The following RBM27 variants were observed in gnomAD, a reference collection of about 807,000 sequenced individuals.
RBM27 encodes RNA-binding protein 27.
Under a neutral mutation model 135.3 loss-of-function variants are expected in RBM27, and 22 were observed. The ratio of observed to expected loss-of-function variants is 0.16; its 90% CI spans 0.12 to 0.23. The LOEUF (loss-of-function observed/expected upper bound fraction) is 0.23. RBM27 is among the 10% of genes least tolerant of loss of function. The pLI is 1.00. For synonymous variants in RBM27, 481 were observed against 442.4 expected (o/e 1.09, Z -1.10); for missense variants, 1,009 against 1,281.0 (o/e 0.79, Z 3.24).
At chr5:146,234,014 AT>A (rs1430707680) in intron 7 of RBM27, among the ~76,000 whole-genome samples, 1 of 152,040 alleles carries the variant, frequency 6.6e-6, no homozygotes, top group Non-Finnish European at 1.5e-5. Flanking sequence ...GAAAGCCAGT[AT>A]TTATTTATTT....
At chr5:146,283,691 G>A (rs1759461707) in intron 19 of RBM27, among the ~76,000 whole-genome samples, 1 of 152,166 alleles carries the variant, frequency 6.6e-6, no homozygotes, top group South Asian at 2.1e-4. Context: ...AACACAGGAC[G>A]ATGTCTGTGC....
rs148924489 is a variant in RBM27, at chr5:146,243,338, A to G, written c.1279+5906A>G. Among the ~76,000 whole-genome samples the G allele has an allele frequency of 3.1e-3, 473 of 152,344 alleles. 4 individuals carry two copies. The highest frequency in any genetic ancestry group is 0.011 in the African/African-American group (457 of 41,578). ...TTTTGTCTTTGAGACAGATAATTGA[A>G]TCCTTCACATTGTTCAAGTTTATTT... is the stretch of plus-strand genomic sequence containing the variant. On this transcript the variant is annotated intron_variant, in intron 8 of 20. Coordinates refer to ENST00000265271, the MANE Select transcript of RBM27 (RefSeq NM_018989.2).
chr5:146,278,439 A>G (rs966257731), intron 19 of RBM27, among the ~76,000 whole-genome samples: 2 of 152,088 alleles, frequency 1.3e-5, no homozygotes, highest in South Asian at 2.1e-4. Flanking sequence ...CAGTCACTCA[A>G]TTTCACTCCC....
chr5:146,206,302 T>TG (rs201708217), intron 1 of RBM27, among the ~76,000 whole-genome samples: 63 of 148,698 alleles, frequency 4.2e-4, no homozygotes, highest in African/African-American at 7.0e-4. Context: ...TTTCGTTTTT[T>TG]GTTTTTTTTT....
chr5:146,270,893 T>G lies in RBM27; in HGVS notation c.2692-61T>G, dbSNP rs59545810. On this transcript the variant is annotated intron_variant, in intron 17 of 20. Coordinates refer to ENST00000265271, the MANE Select transcript of RBM27 (RefSeq NM_018989.2). ...TGTGTGTCATTGTGTAACTATCATGTTCTGGAGGAGATCTTGTAAGTTATC... is the reference window on the plus strand; with the variant it reads ...TGTGTGTCATTGTGTAACTATCATGGTCTGGAGGAGATCTTGTAAGTTATC... 6.8e-3 allele frequency: 7,023 copies of G among 1,036,710 alleles called. 334 individuals carry two copies. In the African/African-American group the frequency reaches 0.098, roughly 14 times the overall value. 64.2% of individuals were successfully genotyped at this position (1,036,710 alleles called of 1,614,324 possible).
At chr5:146,222,638 C>T (rs1359549523) in intron 2 of RBM27, among the ~76,000 whole-genome samples, 11 of 152,118 alleles carry the variant, frequency 7.2e-5, no homozygotes, top group Admixed American at 1.3e-4. Flanking sequence ...GAGCTGAGAT[C>T]GCACCACTGC....
intron 19 of RBM27, 30 bp downstream of exon 19, chr5:146,271,704 G>A: frequency 6.4e-7 from 1 of 1,556,118 alleles, no homozygotes; most frequent in Non-Finnish European, 8.8e-7. Context: ...AATGCTAACT[G>A]TAAAAACACT....
rs63507060 is a variant in RBM27, at chr5:146,248,251, T to A, written c.1280-3460T>A. Among the ~76,000 whole-genome samples, 11 of 150,540 alleles carry A rather than the reference T, an allele frequency of 7.3e-5. No homozygotes were observed. The South Asian group carries it at 1.5e-3, about 20-fold the overall frequency. ...TTCTGCTAGTTTTTTTTTTTTTTTT[T>A]AATTTTTGACATGCCAGTTTTTGAT... is the stretch of plus-strand genomic sequence containing the variant. On this transcript the variant is annotated intron_variant, in intron 8 of 20. Transcript: ENST00000265271.
intron 3 of RBM27, among the ~76,000 whole-genome samples, chr5:146,228,065 A>C (rs772917291): frequency 6.6e-6 from 1 of 152,160 alleles, no homozygotes; most frequent in Non-Finnish European, 1.5e-5. Context: ...AATTGTTTAT[A>C]CTTTTCCTAC....
At position 146,271,556 on chromosome 5, in the gene RBM27, G is replaced by A. The variant is rs1758865127; in HGVS notation, c.2870G>A (p.Gly957Glu). 1.9e-6 allele frequency: 3 copies of A among 1,613,728 alleles called. No homozygotes were observed. The highest frequency in any genetic ancestry group is 2.5e-6 in the Non-Finnish European group (3 of 1,179,698). ...MSSQGRGRGR[G>E]RGGRGRGSLN... is the part of the protein sequence containing the mutation. Reference sequence around the variant, plus strand: ...TCTCAAGGTCGAGGAAGAGGCCGAGGGCGTGGAGGAAGAGGAAGGGGCTCA... The same window carrying A: ...TCTCAAGGTCGAGGAAGAGGCCGAGAGCGTGGAGGAAGAGGAAGGGGCTCA... Residue 957 changes from glycine to glutamate, a missense_variant, in exon 19 of 21, where the codon GGG (glycine) becomes GAG (glutamate). Gly to Glu is a moderately conservative substitution (Grantham distance 98). Coordinates refer to ENST00000265271, the MANE Select transcript of RBM27 (RefSeq NM_018989.2).
chr5:146,223,313 T>C (rs568292223), intron 2 of RBM27, 90 bp from the exon 3 acceptor site: 1 of 1,222,422 alleles, frequency 8.2e-7, no homozygotes, highest in Admixed American at 2.5e-5. Flanking sequence ...GTGTACAAGA[T>C]GTCCTGTTTT....
At chr5:146,253,564 A>G (rs1321847958) in intron 9 of RBM27, among the ~76,000 whole-genome samples, 1 of 151,998 alleles carries the variant, frequency 6.6e-6, no homozygotes, top group Admixed American at 6.6e-5. Flanking sequence ...ACCTGAAAAA[A>G]GGGGAAAAAT....
intron 1 of RBM27, among the ~76,000 whole-genome samples, chr5:146,212,300 C>G (rs529041862): frequency 6.6e-6 from 1 of 151,834 alleles, no homozygotes; most frequent in Non-Finnish European, 1.5e-5. Context: ...GTGATCCACC[C>G]GCCTTGGCCT....
chr5:146,276,880 C>T (rs1409728373), intron 19 of RBM27, among the ~76,000 whole-genome samples: 3 of 152,076 alleles, frequency 2.0e-5, no homozygotes, highest in African/African-American at 7.2e-5. Context: ...CATAGTGAGA[C>T]CCTATCTTTA....
chr5:146,208,742 A>G (rs756337080), intron 1 of RBM27, among the ~76,000 whole-genome samples: 2 of 152,248 alleles, frequency 1.3e-5, no homozygotes, highest in Non-Finnish European at 2.9e-5. Flanking sequence ...TAAGTGCATC[A>G]CTAAAGAAAT....
At chr5:146,260,626 A>C in intron 11 of RBM27, 119 bp from the exon 12 acceptor site, 1 of 739,788 alleles carries the variant, frequency 1.4e-6, no homozygotes, top group Non-Finnish European at 2.1e-6. Context: ...AGGTGGAGCC[A>C]CCATGCCCAG....
At chr5:146,219,628 C>G (rs1298973141) in intron 2 of RBM27, among the ~76,000 whole-genome samples, 1 of 152,188 alleles carries the variant, frequency 6.6e-6, no homozygotes, top group East Asian at 1.9e-4. Flanking sequence ...TTGCCCCTCA[C>G]TTGTTCCACT....
In RBM27 at chr5:146,219,122, C is replaced by T. The variant is rs965157082; in HGVS notation, c.178+19C>T. Reference sequence around the variant, plus strand: ...CAAAAAGGTAATTATTATGGGCCTTCAATCGAGTATTGAAGTAAAGATTTT... The same window carrying T: ...CAAAAAGGTAATTATTATGGGCCTTTAATCGAGTATTGAAGTAAAGATTTT... On this transcript the variant is annotated intron_variant, in intron 2 of 20. Transcript: ENST00000265271. The T allele has an allele frequency of 2.7e-6, 4 of 1,494,738 alleles. No homozygotes were observed. Among genetic ancestry groups the T allele is most frequent in the Non-Finnish European group, 3.7e-6 (4 of 1,081,230 alleles). 92.6% of individuals were successfully genotyped at this position (1,494,738 alleles called of 1,614,324 possible).
chr5:146,248,062 A>G (rs1026352739), intron 8 of RBM27, among the ~76,000 whole-genome samples: 2 of 152,052 alleles, frequency 1.3e-5, no homozygotes, highest in Admixed American at 6.5e-5. Context: ...AATTTTAAGA[A>G]TGAGTTGATT....
Sources: gnomAD v4.1 joint callset for allele counts (sites outside exome capture counted in the v4.1 genomes callset) on GRCh38, gnomAD v4.1.1 for gene constraint, MANE v1.5 for transcripts, NCBI Gene and HGNC (gene_info 2026-07-23, HGNC 2026-07-21) for gene names.